The following U2AF2 variants were observed in gnomAD, a reference collection of about 807,000 sequenced individuals.
U2AF2 encodes splicing factor U2AF 65 kDa subunit.
U2AF2 carries 6 observed loss-of-function variants against 52.6 expected under a neutral mutation model. The ratio of observed to expected loss-of-function variants is 0.11; its 90% confidence interval spans 0.06 to 0.23. The LOEUF is 0.23. Ranked by LOEUF, U2AF2 falls within the 10% of genes least tolerant of loss-of-function variation. U2AF2 has a pLI of 1.00. For missense variants in U2AF2, 222 were observed against 677.1 expected, an observed-to-expected ratio of 0.33 and a Z score of 7.46; for synonymous variants, 284 against 258.2, an observed-to-expected ratio of 1.10 and a Z score of -0.96.
chr19:55,666,894 C>G (rs1984582164), intron 7 of U2AF2, among the ~76,000 whole-genome samples: 1 of 152,240 alleles, frequency 6.6e-6, no homozygotes, highest in African/African-American at 2.4e-5. Flanking sequence ...AGTGTGGGCT[C>G]TGGAGGCTGC....
chr19:55,670,470 TGCACCCTGCTGTCC>T, intron 11 of U2AF2, among the ~76,000 whole-genome samples: 1 of 110,724 alleles, frequency 9.0e-6, no homozygotes, highest in African/African-American at 3.9e-5. Context: ...TGCTGTCCCG[TGCACCCTGCTGTCC>T]GTGCACCCTG....
chr19:55,660,685 T>G, intron 4 of U2AF2, 66 bp downstream of exon 4: 1 of 1,441,990 alleles, frequency 6.9e-7, no homozygotes, highest in Non-Finnish European at 9.6e-7. Flanking sequence ...CCGTCAGTCA[T>G]TCCCCTGCGT....
At chr19:55,669,745 C>T (rs113060149) in intron 11 of U2AF2, 53 bp downstream of exon 11, 34,717 of 1,522,484 alleles carry the variant, frequency 0.023, 452 homozygotes, top group Non-Finnish European at 0.026. Flanking sequence ...TCCTCTTCTC[C>T]GCGCCCTCTT....
At chr19:55,669,971 C>T (rs1001694229) in intron 11 of U2AF2, among the ~76,000 whole-genome samples, 1 of 152,172 alleles carries the variant, frequency 6.6e-6, no homozygotes, top group Non-Finnish European at 1.5e-5. Flanking sequence ...GAATGTAGCT[C>T]TGTATCGCTG....
At chr19:55,670,056 G>C (rs551668441) in intron 11 of U2AF2, among the ~76,000 whole-genome samples, 14 of 152,264 alleles carry the variant, frequency 9.2e-5, no homozygotes, top group Non-Finnish European at 1.8e-4. Context: ...GAGTGGGGAA[G>C]AGTGCCGGGA....
At chr19:55,655,657 G>A (rs1983744667) in intron 1 of U2AF2, among the ~76,000 whole-genome samples, 1 of 152,236 alleles carries the variant, frequency 6.6e-6, no homozygotes, top group Admixed American at 6.5e-5. Flanking sequence ...ACGTGGATGA[G>A]GGCAGAGCCG....
intron 5 of U2AF2, 24 bp downstream of exon 5, chr19:55,661,213 C>A: frequency 2.6e-6 from 4 of 1,559,636 alleles, no homozygotes; most frequent in Admixed American, 1.8e-5. Context: ...CTGCCCCCTA[C>A]CCTCTCCCTT....
chr19:55,665,271 G>A (rs956004871), intron 7 of U2AF2, among the ~76,000 whole-genome samples: 7 of 151,978 alleles, frequency 4.6e-5, no homozygotes, highest in East Asian at 1.9e-4. Context: ...CTCCATGCAC[G>A]GCAGTTCTAC....
At chr19:55,660,958 G>C (rs532538895) in intron 4 of U2AF2, 80 bp from the exon 5 acceptor site, 2 of 1,497,418 alleles carry the variant, frequency 1.3e-6, no homozygotes, top group Admixed American at 2.2e-5. Flanking sequence ...GCTGAGGAGG[G>C]GAACTCCCAG....
intron 11 of U2AF2, among the ~76,000 whole-genome samples, chr19:55,672,947 ATTTT>A (rs879660112): frequency 7.6e-6 from 1 of 132,412 alleles, no homozygotes; most frequent in Non-Finnish European, 1.6e-5. Context: ...CCGGCCAATA[ATTTT>A]TTTTTTTTTG....
intron 7 of U2AF2, among the ~76,000 whole-genome samples, chr19:55,664,846 C>T (rs1984442250): frequency 6.6e-6 from 1 of 152,046 alleles, no homozygotes; most frequent in Non-Finnish European, 1.5e-5. Context: ...GCCTCCCGAG[C>T]AGCTGGGATT....
intron 1 of U2AF2, among the ~76,000 whole-genome samples, chr19:55,656,253 C>G (rs1043912940): frequency 2.6e-5 from 4 of 152,168 alleles, no homozygotes; most frequent in Non-Finnish European, 5.9e-5. Context: ...CTTCAGCTGC[C>G]CATGTTCCTA....
At chr19:55,655,257 C>T (rs1228491657) in intron 1 of U2AF2, 104 bp downstream of exon 1, 2 of 1,281,726 alleles carry the variant, frequency 1.6e-6, no homozygotes, top group Middle Eastern at 2.4e-4. Context: ...CACGGCCGCG[C>T]GGCGCCCCCC....
chr19:55,665,121 G>A (rs1303986155), intron 7 of U2AF2, among the ~76,000 whole-genome samples: 1 of 152,204 alleles, frequency 6.6e-6, no homozygotes, highest in Non-Finnish European at 1.5e-5. Flanking sequence ...ACGTATGGGT[G>A]CGTTTCCCCG....
rs1030006714 is a variant in U2AF2 at position 55,668,072 on chromosome 19, G to A, written c.743-435G>A. On this transcript the variant is annotated intron_variant, in intron 7 of 11. Transcript: ENST00000308924. This position sits in a 1 kb window ranked among gnomAD's most constrained non-coding sequence, Gnocchi z 5.5. ...GCTGAGATTACAGGCGTGAGCCCCC[G>A]CGCCCGGCCGGGACTGAGCTTTAAT... Among the ~76,000 whole-genome samples the A allele has an allele frequency of 2.6e-5, 4 of 152,106 alleles. No homozygotes were observed. Among genetic ancestry groups the A allele is most frequent in the Admixed American group, 6.5e-5 (1 of 15,272 alleles).
At chr19:55,659,795 C>T (rs935330497) in intron 2 of U2AF2, among the ~76,000 whole-genome samples, 1 of 152,120 alleles carries the variant, frequency 6.6e-6, no homozygotes, top group African/African-American at 2.4e-5. Context: ...AGGCAGTATC[C>T]ACAGCCTGGG....
chr19:55,657,561 A>C (rs761530572), intron 1 of U2AF2, among the ~76,000 whole-genome samples: 1 of 152,210 alleles, frequency 6.6e-6, no homozygotes, highest in African/African-American at 2.4e-5. Context: ...CTTGGGGCTC[A>C]CAGCCTGTCC....
intron 3 of U2AF2, 129 bp downstream of exon 3, chr19:55,660,350 C>G (rs1984095895): frequency 8.4e-7 from 1 of 1,186,998 alleles, no homozygotes; most frequent in South Asian, 1.4e-5. Flanking sequence ...ACCTTGAAAC[C>G]AGCACCCCTT....
chr19:55,660,512 C>A lies in U2AF2; in HGVS notation c.231-4C>A. The A allele has an allele frequency of 2.6e-6, 4 of 1,542,316 alleles. No homozygotes were observed. Among genetic ancestry groups the A allele is most frequent in the East Asian group, 2.2e-5 (1 of 44,536 alleles). On this transcript the variant is annotated splice_polypyrimidine_tract_variant and splice_region_variant and intron_variant, in intron 3 of 11. Coordinates refer to ENST00000308924, the MANE Select transcript of U2AF2 (RefSeq NM_007279.3). Reference sequence around the variant, plus strand: ...GCCCCGCTCTCCCCTCCCACCTCCCCCAGTCGTTCCCCCCGCCACGAGAAG... The same window carrying A: ...GCCCCGCTCTCCCCTCCCACCTCCCACAGTCGTTCCCCCCGCCACGAGAAG...
Sources: allele counts gnomAD v4.1 joint callset (sites outside exome capture counted in the v4.1 genomes callset), GRCh38; gene constraint gnomAD v4.1.1; non-coding constraint Gnocchi (gnomAD v3.1); transcripts MANE v1.5; gene names NCBI Gene and HGNC (gene_info 2026-07-23, HGNC 2026-07-21).